Variants in SZT2 observed in about 807,000 individuals in gnomAD.
SZT2 encodes SZT2 subunit of KICSTOR complex, also known as KICSTOR complex protein SZT2.
SZT2 carries 216 observed loss-of-function variants against 404.2 expected under a neutral mutation model. That is an observed-to-expected ratio of 0.53 (90% CI 0.48 to 0.60). The LOEUF is 0.60. Ranked by LOEUF, SZT2 falls within the 20% of genes least tolerant of loss-of-function variation. The probability of loss-of-function intolerance (pLI) is 0.00; values close to 1 mark genes in which losing one functional copy is unlikely to be tolerated. For synonymous variants in SZT2, 1,693 were observed against 1,749.9 expected (o/e 0.97, Z 0.81); for missense variants, 3,857 against 4,459.2 (o/e 0.86, Z 3.85).
At chr1:43,394,901 AAAAG>A (rs1205375172) in intron 1 of SZT2, among the ~76,000 whole-genome samples, 5 of 152,172 alleles carry the variant, frequency 3.3e-5, no homozygotes, top group Non-Finnish European at 5.9e-5. Flanking sequence ...AAAGAAAAGA[AAAAG>A]AAAATATAGT....
chr1:43,425,133 T>C lies in SZT2; in HGVS notation c.2571T>C (p.Ala857=), dbSNP rs146779324. Residue 857 remains alanine (A), a synonymous_variant, in exon 18 of 72, where the codon GCT becomes GCC. Coordinates refer to ENST00000634258, the MANE Select transcript of SZT2 (RefSeq NM_001365999.1). This position sits in a 1 kb window ranked among gnomAD's most constrained non-coding sequence, Gnocchi z 4.3. ...LPIQNEPPGQ[A]AAEEKHTCVV... is the part of the protein sequence containing the mutation. ...CACAGAATGAACCACCAGGGCAGGC[T>C]GCAGCTGAAGAGAAGCACACCTGTG... is the stretch of plus-strand genomic sequence containing the variant. 1.2e-6 allele frequency: 2 copies of C among 1,614,204 alleles called. No individual in the cohort carries two copies. The highest frequency in any genetic ancestry group is 1.1e-5 in the South Asian group (1 of 91,084).
At position 43,447,573 on chromosome 1, in the gene SZT2, TG is replaced by T; in HGVS notation, c.9316del (p.Ala3106LeufsTer18). 6.2e-7 allele frequency: 1 copy of T among 1,614,120 alleles called. No individual in the cohort carries two copies. The highest frequency in any genetic ancestry group is 8.5e-7 in the Non-Finnish European group (1 of 1,180,010). On this transcript the variant is annotated frameshift_variant, in exon 67 of 72. Coordinates refer to ENST00000634258, the MANE Select transcript of SZT2 (RefSeq NM_001365999.1). LOFTEE classifies it high-confidence loss of function. ...GTLELPTPLI[A>X]AHQLYNYVAD... ...CATTGGAGCTCCCCACACCACTCAT[TG>T]CTGCCCACCAGCTATACAACTACGT...
At position 43,439,817 on chromosome 1, in the gene SZT2, A is replaced by G; in HGVS notation, c.7042+48A>G. ...TGAGGTGTTCAGTTATTGCTGTGGG[A>G]GGTAAGGGTGGTGAGTAGAGTGGGA... On this transcript the variant is annotated intron_variant, in intron 50 of 71. Coordinates refer to ENST00000634258, the MANE Select transcript of SZT2 (RefSeq NM_001365999.1). This position sits in a 1 kb window ranked among gnomAD's most constrained non-coding sequence, Gnocchi z 4.2. 1 of 1,562,224 alleles carries G rather than the reference A, an allele frequency of 6.4e-7. No individual in the cohort carries two copies. Among genetic ancestry groups the G allele is most frequent in the Non-Finnish European group, 8.7e-7 (1 of 1,152,246 alleles).
At chr1:43,430,849 AGTGGAGGGGAGCCTAGG>A in intron 32 of SZT2, 60 bp downstream of exon 32, 3 of 1,583,110 alleles carry the variant, frequency 1.9e-6, no homozygotes, top group South Asian at 2.3e-5. Flanking sequence ...CCTAAGTGGG[AGTGGAGGGGAGCCTAGG>A]GTTATGTCTT....
At chr1:43,438,316 T>G in intron 46 of SZT2, 1 of 339,248 alleles carries the variant, frequency 2.9e-6, no homozygotes, top group East Asian at 7.8e-5. Context: ...TTATTTGGGA[T>G]ATATTTTGCC....
intron 62 of SZT2, among the ~76,000 whole-genome samples, chr1:43,444,922 C>T (rs1655498613): frequency 6.6e-6 from 1 of 152,106 alleles, no homozygotes; most frequent in South Asian, 2.1e-4. Context: ...ATGCCAGTTC[C>T]AACTCTCTCA....
At position 43,420,093 on chromosome 1, in the gene SZT2, A is replaced by G. The variant is rs1652163677; in HGVS notation, c.1091-60A>G. On this transcript the variant is annotated intron_variant, in intron 8 of 71. Transcript: ENST00000634258. The surrounding 1 kb of genome is among the most constrained non-coding windows in gnomAD (Gnocchi z 5.1). ...CATTTCAGCATAGCCCCTTCCCCCT[A>G]CAGATCTGTCAGTTGGCAGATAACC... 3.8e-6 allele frequency: 6 copies of G among 1,583,848 alleles called. No homozygotes were observed. Among genetic ancestry groups the G allele is most frequent in the Non-Finnish European group, 4.3e-6 (5 of 1,170,556 alleles).
chr1:43,453,381 G>A lies in SZT2; in HGVS notation c.*2901G>A, dbSNP rs975683949. On this transcript the variant is annotated 3_prime_UTR_variant, in exon 72 of 72. Transcript: ENST00000634258. ...CAGGGGTGGGGGTGGGGTGGAGCGG[G>A]GTACCTGGGACAGCCCAGGGCTTTG... The A allele has an allele frequency of 8.4e-6, 13 of 1,539,302 alleles. No homozygotes were observed. Among genetic ancestry groups the A allele is most frequent in the Middle Eastern group, 1.7e-4 (1 of 5,976 alleles).
In SZT2 at chr1:43,415,217, T is replaced by G. The variant is rs1461116323; in HGVS notation, c.630+4T>G. The G allele has an allele frequency of 5.6e-6, 9 of 1,597,300 alleles. No homozygotes were observed. Among genetic ancestry groups the G allele is most frequent in the Non-Finnish European group, 7.6e-6 (9 of 1,179,282 alleles). On this transcript the variant is annotated splice_donor_region_variant and intron_variant, in intron 5 of 71. Transcript: ENST00000634258. ...GCAGTACGATCCCCAGAGCCAGGTATGTAAGAGAGAAAGTGGGCAGAGGCA... is the reference window on the plus strand; with the variant it reads ...GCAGTACGATCCCCAGAGCCAGGTAGGTAAGAGAGAAAGTGGGCAGAGGCA...
chr1:43,451,944 G>A lies in SZT2; in HGVS notation c.*1464G>A, dbSNP rs1656480528. 6.2e-7 allele frequency: 1 copy of A among 1,612,406 alleles called. No homozygotes were observed. On this transcript the variant is annotated 3_prime_UTR_variant, in exon 72 of 72. Transcript: ENST00000634258. Reference sequence around the variant, plus strand: ...AGGGCTGGGGTCGTACCCTGCTGGGGCGTGTCCAGGAAGTACTGGGGGTCA... The same window carrying A: ...AGGGCTGGGGTCGTACCCTGCTGGGACGTGTCCAGGAAGTACTGGGGGTCA...
chr1:43,436,899 C>T, intron 42 of SZT2: 1 of 498,848 alleles, frequency 2.0e-6, no homozygotes. Context: ...TGAGGATTTC[C>T]TCATGCTTTG....
chr1:43,419,245 G>A (rs995012402), intron 7 of SZT2, among the ~76,000 whole-genome samples: 1 of 152,208 alleles, frequency 6.6e-6, no homozygotes, highest in African/African-American at 2.4e-5. Flanking sequence ...GGCCCTCAGG[G>A]TATATGTAGT....
rs1311944640 is a variant in SZT2 at position 43,453,649 on chromosome 1, C to G, written c.*3169C>G. On this transcript the variant is annotated 3_prime_UTR_variant, in exon 72 of 72. Transcript: ENST00000634258. ...AGCCCCGCTTCTCGCGCGGCGCGCG[C>G]CAGCGCCTCAGGCGTCTCCGCGTAC... 2 of 1,491,130 alleles carry G rather than the reference C, an allele frequency of 1.3e-6. No homozygotes were observed. Among genetic ancestry groups the G allele is most frequent in the Non-Finnish European group, 1.8e-6 (2 of 1,127,876 alleles). The allele number at this position is 1,491,130 out of a possible 1,614,324, so 92.4% of individuals were successfully genotyped here.
At position 43,452,563 on chromosome 1, in the gene SZT2, T is replaced by C; in HGVS notation, c.*2083T>C. ...TGCCTCCAGTACTTTCCAAAACCTT[T>C]CCTTCCCTCGGTCCTTCTCCGCAAC... On this transcript the variant is annotated 3_prime_UTR_variant, in exon 72 of 72. Coordinates refer to ENST00000634258, the MANE Select transcript of SZT2 (RefSeq NM_001365999.1). 1 of 619,788 alleles carries C rather than the reference T, an allele frequency of 1.6e-6. No individual in the cohort carries two copies. The highest frequency in any genetic ancestry group is 2.8e-5 in the East Asian group (1 of 35,996). The allele number at this position is 619,788 out of a possible 1,614,324, so 38.4% of individuals were successfully genotyped here. A position where few individuals can be genotyped will look rare whatever the true frequency, so the allele number is the denominator to read the frequency against.
intron 1 of SZT2, among the ~76,000 whole-genome samples, chr1:43,398,393 G>T (rs971810534): frequency 6.6e-6 from 1 of 152,200 alleles, no homozygotes; most frequent in Admixed American, 6.5e-5. Context: ...ACAAATGACT[G>T]CTGAATTAGG....
intron 5 of SZT2, 131 bp downstream of exon 5, chr1:43,415,344 G>A: frequency 9.1e-7 from 1 of 1,095,684 alleles, no homozygotes; most frequent in Non-Finnish European, 1.3e-6. Context: ...ACAAGGATAG[G>A]CATGCTCATG....
rs926989149 is a variant in SZT2, at chr1:43,397,412, C to T, written c.28-5765C>T. On this transcript the variant is annotated intron_variant, in intron 1 of 71. Coordinates refer to ENST00000634258, the MANE Select transcript of SZT2 (RefSeq NM_001365999.1). ...CTGCACTCCAGCCTGGGTGACAGAGCGAGACTCCATTTCAAAAAAAAAAAA... is the reference window on the plus strand; with the variant it reads ...CTGCACTCCAGCCTGGGTGACAGAGTGAGACTCCATTTCAAAAAAAAAAAA... 5.4e-5 allele frequency among the ~76,000 whole-genome samples: 8 copies of T among 148,094 alleles called. No individual in the cohort carries two copies. In the East Asian group the frequency reaches 8.0e-4, roughly 15 times the overall value.
At chr1:43,415,441 AT>A (rs537435435) in intron 5 of SZT2, among the ~76,000 whole-genome samples, 33 of 151,116 alleles carry the variant, frequency 2.2e-4, no homozygotes, top group Admixed American at 4.6e-4. Context: ...ATTTGTTTGC[AT>A]TTTTTTTTAG....
rs772002676 is a variant in SZT2, at chr1:43,389,990, C to T, written c.22C>T (p.Pro8Ser). ...TGTGATGGCCTCGGAGCGCCCGGAG[C>T]CGGAGGTGAGGGGCGGGCGGGCGCA... MASERPE[P>S]EVEEAGQVFL... Residue 8 changes from proline to serine, a missense_variant, in exon 1 of 72, where the codon CCG becomes TCG. Physicochemically the swap from Pro to Ser is moderately conservative, Grantham distance 74 (BLOSUM62 -1). Around this residue, in one of 7 missense-constraint regions of SZT2, gnomAD observed 536 missense variants for 637.4 expected, o/e 0.84. Coordinates refer to ENST00000634258, the MANE Select transcript of SZT2 (RefSeq NM_001365999.1). 11 of 1,392,376 alleles carry T rather than the reference C, an allele frequency of 7.9e-6. No homozygotes were observed. The highest frequency in any genetic ancestry group is 8.4e-6 in the Non-Finnish European group (9 of 1,076,446). The allele number at this position is 1,392,376 out of a possible 1,614,324, so 86.3% of individuals were successfully genotyped here.
Sources: gnomAD v4.1 joint callset for allele counts (sites outside exome capture counted in the v4.1 genomes callset) on GRCh38, gnomAD v4.1.1 for gene constraint, gnomAD v4.1.1 regional missense constraint, Gnocchi (gnomAD v3.1) non-coding constraint, MANE v1.5 for transcripts, NCBI Gene and HGNC (gene_info 2026-07-23, HGNC 2026-07-21) for gene names.